ITSN2: variants seen among roughly 807,000 people sequenced by gnomAD.
ITSN2 encodes the protein intersectin-2.
A neutral mutation model predicts 243.7 loss-of-function variants in ITSN2; 156 were observed. That is an observed-to-expected ratio of 0.64 (90% CI 0.56 to 0.73). ITSN2 has a LOEUF of 0.73. ITSN2 is among the 30% of genes least tolerant of loss of function. The probability of loss-of-function intolerance (pLI) is 0.00; values close to 1 mark genes in which losing one functional copy is unlikely to be tolerated. For synonymous variants in ITSN2, 703 were observed against 699.9 expected (o/e 1.00, Z -0.07); for missense variants, 1,801 against 1,996.1 (o/e 0.90, Z 1.86).
intron 32 of ITSN2, among the ~76,000 whole-genome samples, chr2:24,213,316 A>G (rs1204709082): frequency 1.3e-5 from 2 of 151,862 alleles, no homozygotes; most frequent in African/African-American, 4.8e-5. Context: ...TCTATTCCAC[A>G]CCCGATTTGT....
intron 11 of ITSN2, among the ~76,000 whole-genome samples, 165 bp from the exon 12 acceptor site, chr2:24,300,336 T>G (rs1234151543): frequency 6.6e-6 from 1 of 152,270 alleles, no homozygotes; most frequent in Non-Finnish European, 1.5e-5. Flanking sequence ...AATATCTACT[T>G]TCTTCAAGGA....
At position 24,248,885 on chromosome 2, in the gene ITSN2, A is replaced by G. The variant is rs570396481; in HGVS notation, c.3121-3T>C. 6.2e-7 allele frequency: 1 copy of G among 1,613,224 alleles called. No homozygotes were observed. Among genetic ancestry groups the G allele is most frequent in the East Asian group, 2.2e-5 (1 of 44,860 alleles). ...GACTTGCTAGCACTCCCAAAACTCT[A>G]CAAGGAAAAGATACCGTGTTGTTTT... On this transcript the variant is annotated splice_region_variant and splice_polypyrimidine_tract_variant and intron_variant, in intron 25 of 39. Coordinates refer to ENST00000355123, the MANE Select transcript of ITSN2 (RefSeq NM_006277.3).
chr2:24,227,775 G>A (rs959547822), intron 29 of ITSN2, among the ~76,000 whole-genome samples: 2 of 151,900 alleles, frequency 1.3e-5, no homozygotes, highest in South Asian at 2.1e-4. Flanking sequence ...AAAAATTAGC[G>A]GGGCATGGTG....
At chr2:24,223,522 TA>T (rs1313838002) in intron 29 of ITSN2, among the ~76,000 whole-genome samples, 268 of 141,108 alleles carry the variant, frequency 1.9e-3, no homozygotes, top group Middle Eastern at 3.6e-3. Context: ...TCTACCAAAT[TA>T]AAAAAAAAAA....
intron 30 of ITSN2, among the ~76,000 whole-genome samples, chr2:24,219,891 A>G (rs1024500275): frequency 6.6e-6 from 1 of 152,182 alleles, no homozygotes; most frequent in African/African-American, 2.4e-5. Context: ...AACACACCCA[A>G]TTCACTGACT....
At chr2:24,331,668 G>T (rs1449630600) in intron 1 of ITSN2, among the ~76,000 whole-genome samples, 1 of 152,088 alleles carries the variant, frequency 6.6e-6, no homozygotes, top group Non-Finnish European at 1.5e-5. Flanking sequence ...CTTAAACCCA[G>T]ACATCTGTTG....
At chr2:24,236,673 C>CTTTTTTTTTTTTTTTT (rs35381391) in intron 29 of ITSN2, among the ~76,000 whole-genome samples, 3 of 137,822 alleles carry the variant, frequency 2.2e-5, no homozygotes, top group Admixed American at 7.4e-5. Flanking sequence ...GTTTTTTTTT[C>CTTTTTTTTTTTTTTTT]TTTTTTTTTT....
intron 10 of ITSN2, among the ~76,000 whole-genome samples, chr2:24,301,673 ACAC>A (rs1312540855): frequency 6.6e-6 from 1 of 151,706 alleles, no homozygotes; most frequent in Non-Finnish European, 1.5e-5. Flanking sequence ...CTACAGGCGC[ACAC>A]CACCACACCT....
intron 1 of ITSN2, among the ~76,000 whole-genome samples, chr2:24,331,823 C>T (rs932506380): frequency 4.6e-5 from 7 of 152,148 alleles, no homozygotes; most frequent in South Asian, 2.1e-4. Context: ...AAGTCAGGGT[C>T]GGCTGGGAAA....
chr2:24,235,161 G>C (rs928928508), intron 29 of ITSN2, among the ~76,000 whole-genome samples: 1 of 152,138 alleles, frequency 6.6e-6, no homozygotes, highest in South Asian at 2.1e-4. Context: ...GCACTAAAAC[G>C]AAAGGATCAA....
At position 24,328,079 on chromosome 2, in the gene ITSN2, T is replaced by C. The variant is rs142953089; in HGVS notation, c.4A>G (p.Met2Val). The C allele has an allele frequency of 3.8e-5, 61 of 1,613,630 alleles. No individual in the cohort carries two copies. Among genetic ancestry groups the C allele is most frequent in the Non-Finnish European group, 5.0e-5 (59 of 1,179,858 alleles). M[M>V]AQFPTAMNGG... is the part of the protein sequence containing the mutation. ...TTCATAGCTGTGGGAAACTGAGCCA[T>C]CATGGTCCTGAGTTTTCCTTGCTAG... Residue 2 changes from methionine (M) to valine (V), a missense_variant, in exon 2 of 40, where the codon ATG becomes GTG. Around this residue, in one of 5 missense-constraint regions of ITSN2, gnomAD observed 77 missense variants for 90.1 expected, o/e 0.85. Transcript: ENST00000355123.
Position 24,204,564 on chromosome 2 carries a change from C to A in ITSN2, c.4763-146G>T, listed in dbSNP as rs1429657015. ...GAGCCGCTGCCTGGGGCACCATATC[C>A]CTGTGGTCTAGTAACAGGGTCTCCA... On this transcript the variant is annotated intron_variant, in intron 38 of 39. Transcript: ENST00000355123. This position sits in a 1 kb window ranked among gnomAD's most constrained non-coding sequence, Gnocchi z 5.1. The A allele has an allele frequency of 1.3e-6, 1 of 746,786 alleles. No homozygotes were observed. The highest frequency in any genetic ancestry group is 2.6e-5 in the East Asian group (1 of 37,830). 46.3% of individuals were successfully genotyped at this position (746,786 alleles called of 1,614,324 possible). A position where few individuals can be genotyped will look rare whatever the true frequency, so the allele number is the denominator to read the frequency against.
intron 34 of ITSN2, among the ~76,000 whole-genome samples, 166 bp downstream of exon 34, chr2:24,210,614 C>CAAAAAAAAAAAA (rs950984341): frequency 3.7e-5 from 2 of 53,968 alleles, no homozygotes; most frequent in African/African-American, 8.6e-5. Context: ...GACTCCGTCT[C>CAAAAAAAAAAAA]AAAAAAAAAA....
chr2:24,233,216 C>A (rs1445779781), intron 29 of ITSN2, among the ~76,000 whole-genome samples: 4 of 152,092 alleles, frequency 2.6e-5, no homozygotes, highest in Non-Finnish European at 5.9e-5. Flanking sequence ...TTAATCTCCC[C>A]CAATGGTATG....
At chr2:24,298,913 C>T (rs1681351340) in intron 12 of ITSN2, 99 bp from the exon 13 acceptor site, 1 of 1,120,646 alleles carries the variant, frequency 8.9e-7, no homozygotes, top group Non-Finnish European at 1.3e-6. Context: ...GAGTTTAGCA[C>T]TTAGTGGCTT....
intron 29 of ITSN2, among the ~76,000 whole-genome samples, chr2:24,235,141 A>G (rs1441175599): frequency 6.6e-6 from 1 of 152,232 alleles, no homozygotes; most frequent in East Asian, 1.9e-4. Context: ...AGACAACGGA[A>G]TATTATTTAG....
intron 1 of ITSN2, among the ~76,000 whole-genome samples, chr2:24,335,373 C>T (rs34125395): frequency 0.55 from 83,461 of 152,078 alleles, 24,117 homozygotes; most frequent in East Asian, 0.74. Flanking sequence ...CACCCTGCCA[C>T]GCAGGCTGGA....
intron 9 of ITSN2, among the ~76,000 whole-genome samples, chr2:24,302,323 C>T (rs549743406): frequency 2.6e-5 from 4 of 152,002 alleles, no homozygotes; most frequent in Non-Finnish European, 4.4e-5. Context: ...CTCAGTCTCC[C>T]GAGTAGCTGG....
rs532175563 is a variant in ITSN2 at position 24,283,407 on chromosome 2, G to C, written c.1944+1356C>G. ...GCCTAGATAATTTTTTGTATTTTTA[G>C]TAGAGACGGGGTTTCACCATGTTGG... is the stretch of plus-strand genomic sequence containing the variant. On this transcript the variant is annotated intron_variant, in intron 17 of 39. Transcript: ENST00000355123. 2.3e-4 allele frequency among the ~76,000 whole-genome samples: 35 copies of C among 152,204 alleles called. No homozygotes were observed. In the South Asian group the frequency reaches 7.3e-3, roughly 32 times the overall value.
Sources: gnomAD v4.1 joint callset for allele counts (sites outside exome capture counted in the v4.1 genomes callset) on GRCh38, gnomAD v4.1.1 for gene constraint, gnomAD v4.1.1 regional missense constraint, Gnocchi (gnomAD v3.1) non-coding constraint, MANE v1.5 for transcripts, NCBI Gene and HGNC (gene_info 2026-07-23, HGNC 2026-07-21) for gene names.